The following SETD2 variants were observed in gnomAD, a reference collection of about 807,000 sequenced individuals.
SETD2 encodes histone-lysine N-methyltransferase SETD2.
A neutral mutation model predicts 242.1 loss-of-function variants in SETD2; 31 were observed. That is an observed-to-expected ratio of 0.13 (90% CI 0.10 to 0.17). The LOEUF (loss-of-function observed/expected upper bound fraction) is 0.17, where lower values mean the gene tolerates loss of function less well. Ranked by LOEUF, SETD2 falls within the 10% of genes least tolerant of loss-of-function variation. The probability of loss-of-function intolerance (pLI) is 1.00; values close to 1 mark genes in which losing one functional copy is unlikely to be tolerated. For synonymous variants in SETD2, 1,006 were observed against 1,066.5 expected (o/e 0.94, Z 1.11); for missense variants, 2,481 against 3,046.3 (o/e 0.81, Z 4.37).
rs2107484026 is a variant in SETD2, at chr3:47,017,062, G to A, written c.*31C>T. The A allele has an allele frequency of 6.2e-7, 1 of 1,609,578 alleles. No individual in the cohort carries two copies. The highest frequency in any genetic ancestry group is 1.1e-5 in the South Asian group (1 of 90,416). On this transcript the variant is annotated 3_prime_UTR_variant, in exon 21 of 21. Coordinates refer to ENST00000409792, the MANE Select transcript of SETD2 (RefSeq NM_014159.7). This position sits in a 1 kb window ranked among gnomAD's most constrained non-coding sequence, Gnocchi z 4.8. ...CCTCTCCCTAGAGTCTGTCTTACCT[G>A]ACCACCCATCCTCCCACCCTGGCCC...
intron 10 of SETD2, among the ~76,000 whole-genome samples, 200 bp from the exon 11 acceptor site, chr3:47,086,514 G>A (rs2041564809): frequency 6.6e-6 from 1 of 152,080 alleles, no homozygotes; most frequent in Non-Finnish European, 1.5e-5. Flanking sequence ...AATCTTCTCT[G>A]ATACACAAAA....
intron 9 of SETD2, among the ~76,000 whole-genome samples, chr3:47,093,346 T>A (rs1200504757): frequency 6.7e-6 from 1 of 149,770 alleles, no homozygotes; most frequent in African/African-American, 2.5e-5. Flanking sequence ...TGCAGTGGCA[T>A]CATGTCAGCT....
At chr3:47,107,846 T>G (rs939695065) in intron 5 of SETD2, among the ~76,000 whole-genome samples, 1 of 152,020 alleles carries the variant, frequency 6.6e-6, no homozygotes, top group Non-Finnish European at 1.5e-5. Flanking sequence ...GCCATGGTAT[T>G]ATGTGCCTAT....
At chr3:47,058,563 T>G (rs2040188613) in intron 14 of SETD2, among the ~76,000 whole-genome samples, 1 of 147,200 alleles carries the variant, frequency 6.8e-6, no homozygotes, top group Non-Finnish European at 1.5e-5. Flanking sequence ...CTATGGTACA[T>G]GAATACAATG....
intron 14 of SETD2, among the ~76,000 whole-genome samples, chr3:47,059,212 G>A (rs184536790): frequency 5.9e-4 from 88 of 149,814 alleles, no homozygotes; most frequent in African/African-American, 2.1e-3. Flanking sequence ...CACCTCCCGG[G>A]TTCAAGTGCT....
At chr3:47,036,599 C>T (rs1375277430) in intron 18 of SETD2, among the ~76,000 whole-genome samples, 1 of 151,866 alleles carries the variant, frequency 6.6e-6, no homozygotes, top group East Asian at 1.9e-4. Context: ...GTTATGGGCA[C>T]TAACAACAGA....
In SETD2 at chr3:47,042,604, G is replaced by C. The variant is rs2107539506; in HGVS notation, c.7195C>G (p.Arg2399Gly). 5 of 1,613,904 alleles carry C rather than the reference G, an allele frequency of 3.1e-6. No homozygotes were observed. Among genetic ancestry groups the C allele is most frequent in the Non-Finnish European group, 4.2e-6 (5 of 1,179,922 alleles). Residue 2399 changes from arginine (R) to glycine (G), a missense_variant, in exon 17 of 21, where the codon CGA becomes GGA. Arg to Gly is a moderately radical substitution (Grantham distance 125, BLOSUM62 -2). Around this residue, in one of 17 missense-constraint regions of SETD2, gnomAD observed 235 missense variants for 293.9 expected, o/e 0.80. Transcript: ENST00000409792. ...IVLPPNWKTA[R>G]DPEGKIYYYH... ...TAATAAATCTTCCCTTCTGGATCTC[G>C]AGCTGTCTTCCAGTTGGGAGGTAAG... is the stretch of plus-strand genomic sequence containing the variant.
chr3:47,057,477 T>C lies in SETD2; in HGVS notation c.6307A>G (p.Thr2103Ala), dbSNP rs755881799. The part of the protein sequence containing the change: ...KRPDDRYDTP[T>A]SKKKVRIKDR... ...TTAATTCGTACTTTCTTTTTAGAAG[T>C]TGGTGTATCATATCTAGAAAGAAAA... The change falls in exon 15 of 21, where the codon ACT becomes GCT. Residue 2103 changes from threonine to alanine, a missense_variant. Around this residue, in one of 17 missense-constraint regions of SETD2, gnomAD observed 80 missense variants for 102.6 expected, o/e 0.78. Transcript: ENST00000409792. 1.9e-6 allele frequency: 3 copies of C among 1,613,706 alleles called. No homozygotes were observed. Among genetic ancestry groups the C allele is most frequent in the Non-Finnish European group, 2.5e-6 (3 of 1,179,780 alleles).
At chr3:47,117,285 C>CAA (rs1191196844) in intron 3 of SETD2, among the ~76,000 whole-genome samples, 610 of 24,746 alleles carry the variant, frequency 0.025, 9 homozygotes, top group African/African-American at 0.089. Flanking sequence ...AAAAAACAAA[C>CAA]AAAAAAAAAA....
At position 47,123,809 on chromosome 3, in the gene SETD2, T is replaced by C. The variant is rs1456190392; in HGVS notation, c.827A>G (p.Asp276Gly). 10 of 1,548,044 alleles carry C rather than the reference T, an allele frequency of 6.5e-6. No homozygotes were observed. Among genetic ancestry groups the C allele is most frequent in the Admixed American group, 4.0e-5 (2 of 50,316 alleles). ...HVTQILNEQA[D>G]ISSKKEDSHI... ...GGAATCTTCTTTTTTTGAGGAAATA[T>C]CTGCTTGCTCATTCAATATTTGAGT... Residue 276 changes from aspartate to glycine, a missense_variant, in exon 3 of 21, where the codon GAT (aspartate) becomes GGT (glycine). Coordinates refer to ENST00000409792, the MANE Select transcript of SETD2 (RefSeq NM_014159.7).
chr3:47,132,836 T>G (rs1000972135), intron 1 of SETD2, among the ~76,000 whole-genome samples: 1 of 152,204 alleles, frequency 6.6e-6, no homozygotes, highest in Admixed American at 6.5e-5. Flanking sequence ...CATATAAGAA[T>G]AGATCACAGT....
chr3:47,096,571 CAAAAAAAAAAAA>C (rs759377907), intron 9 of SETD2, among the ~76,000 whole-genome samples: 4 of 31,958 alleles, frequency 1.3e-4, no homozygotes, highest in African/African-American at 1.4e-4. Context: ...GATTTTGCCT[CAAAAAAAAAAAA>C]AAAAAAAAAA....
At chr3:47,088,609 T>G (rs532135601) in intron 9 of SETD2, among the ~76,000 whole-genome samples, 2 of 152,114 alleles carry the variant, frequency 1.3e-5, no homozygotes, top group East Asian at 3.8e-4. Context: ...ACTTCAGAGA[T>G]CCTTTATGGT....
chr3:47,099,992 G>A (rs569298683), intron 8 of SETD2, among the ~76,000 whole-genome samples: 5 of 137,260 alleles, frequency 3.6e-5, no homozygotes, highest in African/African-American at 8.2e-5. Flanking sequence ...TGTTTTTTTC[G>A]AGACAGAGTC....
At chr3:47,046,436 CA>C in intron 16 of SETD2, 50 bp downstream of exon 16, 1 of 1,432,658 alleles carries the variant, frequency 7.0e-7, no homozygotes, top group Non-Finnish European at 9.2e-7. Flanking sequence ...GAAAACCTTC[CA>C]AAGACAAAGT....
chr3:47,141,969 A>G (rs1001369463), intron 1 of SETD2, among the ~76,000 whole-genome samples: 8 of 152,216 alleles, frequency 5.3e-5, no homozygotes, highest in African/African-American at 1.9e-4. Context: ...CCTTAAAAAA[A>G]ACACTTGAAA....
chr3:47,063,186 G>C (rs2040414734), intron 13 of SETD2, among the ~76,000 whole-genome samples: 2 of 152,158 alleles, frequency 1.3e-5, no homozygotes, highest in East Asian at 3.8e-4. Context: ...AAAATCCACT[G>C]TATGTGTGGA....
chr3:47,051,539 C>G (rs1332889967), intron 15 of SETD2, among the ~76,000 whole-genome samples: 1 of 152,094 alleles, frequency 6.6e-6, no homozygotes, highest in Admixed American at 6.5e-5. Context: ...GTCTAACAAC[C>G]AAAAATCCTT....
At chr3:47,127,854 C>CA (rs1452925221) in intron 1 of SETD2, among the ~76,000 whole-genome samples, 3 of 151,958 alleles carry the variant, frequency 2.0e-5, no homozygotes, top group African/African-American at 7.3e-5. Context: ...AACTCCATCT[C>CA]AAAAAATGAA....
Sources: allele counts gnomAD v4.1 joint callset (sites outside exome capture counted in the v4.1 genomes callset), GRCh38; gene constraint gnomAD v4.1.1; regional missense constraint gnomAD v4.1.1; non-coding constraint Gnocchi (gnomAD v3.1); transcripts MANE v1.5; gene names NCBI Gene and HGNC (gene_info 2026-07-23, HGNC 2026-07-21).